LRRC57: variants seen among roughly 807,000 people sequenced by gnomAD.
The protein encoded by LRRC57 is leucine rich repeat containing 57, also known as leucine-rich repeat-containing protein 57.
LRRC57 carries 14 observed loss-of-function variants against 23.1 expected under a neutral mutation model. The ratio of observed to expected loss-of-function variants is 0.61; its 90% CI spans 0.40 to 0.95. LRRC57 has a LOEUF of 0.95. Ranked by LOEUF, LRRC57 falls within the 40% of genes least tolerant of loss-of-function variation. The probability of loss-of-function intolerance (pLI) is 0.00; values close to 1 mark genes in which losing one functional copy is unlikely to be tolerated. For missense variants in LRRC57, 236 were observed against 284.4 expected, an observed-to-expected ratio of 0.83 and a Z score of 1.22; for synonymous variants, 106 against 115.2, an observed-to-expected ratio of 0.92 and a Z score of 0.51.
chr15:42,529,558 C>A, the LRRC57 span: 2 of 1,011,382 alleles, frequency 2.0e-6, no homozygotes, highest in Non-Finnish European at 2.9e-6. Flanking sequence ...AACCTATATT[C>A]TTTTGGATCT....
intron 3 of LRRC57, 54 bp downstream of exon 3, chr15:42,548,052 C>A: frequency 6.3e-7 from 1 of 1,591,236 alleles, no homozygotes; most frequent in South Asian, 1.1e-5. Context: ...TAAGAGAAAA[C>A]CACCCCTGGT....
intron 4 of LRRC57, 24 bp downstream of exon 4, chr15:42,547,236 GA>G (rs142112921): frequency 1.2e-6 from 2 of 1,605,704 alleles, no homozygotes; most frequent in African/African-American, 1.3e-5. Flanking sequence ...TATGCTGTAG[GA>G]AAAAAAACCT....
In LRRC57 at chr15:42,538,577, T is replaced by G. The variant is rs2057612189; in HGVS notation, c.*5506A>C. 1 of 152,178 alleles carries G rather than the reference T, an allele frequency of 6.6e-6. No individual in the cohort carries two copies. Among genetic ancestry groups the G allele is most frequent in the South Asian group, 2.1e-4 (1 of 4,828 alleles). The allele number at this position is 152,178 out of a possible 1,614,324, so 9.4% of individuals were successfully genotyped here. ...TGGCTCCATTTTTTTATCCTTTTAATGTAGTGTCCACTCCAAGCCTTCTAT... is the reference window on the plus strand; with the variant it reads ...TGGCTCCATTTTTTTATCCTTTTAAGGTAGTGTCCACTCCAAGCCTTCTAT... On this transcript the variant is annotated 3_prime_UTR_variant, in exon 6 of 6. Coordinates refer to ENST00000397130, the MANE Select transcript of LRRC57 (RefSeq NM_153260.3).
intron 1 of LRRC57, 92 bp from the exon 2 acceptor site, chr15:42,548,548 C>G (rs2057678763): frequency 3.9e-6 from 4 of 1,013,796 alleles, no homozygotes; most frequent in Non-Finnish European, 5.8e-6. Flanking sequence ...CCCGCCGATC[C>G]CTGGCTCCTG....
intron 1 of LRRC57, 92 bp from the exon 2 acceptor site, chr15:42,548,548 C>A: frequency 9.9e-7 from 1 of 1,013,914 alleles, no homozygotes; most frequent in Non-Finnish European, 1.4e-6. Context: ...CCCGCCGATC[C>A]CTGGCTCCTG....
intron 5 of LRRC57, 27 bp downstream of exon 5, chr15:42,545,050 G>T (rs760712110): frequency 5.3e-6 from 8 of 1,511,146 alleles, no homozygotes; most frequent in South Asian, 2.5e-5. Context: ...GTAGTGACTA[G>T]AAATGCAGAA....
Position 42,543,907 on chromosome 15 carries a change from G to A in LRRC57, c.*176C>T. 1 of 505,904 alleles carries A rather than the reference G, an allele frequency of 2.0e-6. No individual in the cohort carries two copies. Among genetic ancestry groups the A allele is most frequent in the Non-Finnish European group, 3.5e-6 (1 of 282,798 alleles). 31.3% of individuals were successfully genotyped at this position (505,904 alleles called of 1,614,324 possible). On this transcript the variant is annotated 3_prime_UTR_variant, in exon 6 of 6. Transcript: ENST00000397130. ...CTGTCTCCTGATCCTTTTTCTTTTA[G>A]CTTATTTGAGAAGAGCCCTGAAATG... is the stretch of plus-strand genomic sequence containing the variant.
At position 42,547,486 on chromosome 15, in the gene LRRC57, C is replaced by A; in HGVS notation, c.267G>T (p.Thr89=). ...DEICNLKKLE[T]LSLNNNHLRE... ...TAAGGTGATTGTTGTTTAGGCTTAG[C>A]GTCTCTAGTTTTTTCAGATTGCATA... The change falls in exon 4 of 6, where the codon ACG becomes ACT. Residue 89 remains threonine (T), a synonymous_variant. Transcript: ENST00000397130. The A allele has an allele frequency of 6.2e-7, 1 of 1,613,756 alleles. No homozygotes were observed. The highest frequency in any genetic ancestry group is 1.3e-5 in the African/African-American group (1 of 75,004).
Position 42,548,360 on chromosome 15 carries a change from C to A in LRRC57, c.75G>T (p.Gly25=). 1 of 1,614,230 alleles carries A rather than the reference C, an allele frequency of 6.2e-7. No homozygotes were observed. Among genetic ancestry groups the A allele is most frequent in the South Asian group, 1.1e-5 (1 of 91,092 alleles). ...TCCCTCCCAGTCTCACCTCGGTCAG[C>A]CCTCGGTCCTTAAGCTGAAAGACAC... is the stretch of plus-strand genomic sequence containing the variant. ...KTGVFQLKDR[G]LTEFPADLQK... is the part of the protein sequence containing the mutation. Residue 25 remains glycine (G), a synonymous_variant, in exon 2 of 6, where the codon GGG becomes GGT. Transcript: ENST00000397130.
chr15:42,541,014 AGAAT>A lies in LRRC57; in HGVS notation c.*3065_*3068del, dbSNP rs2057626034. 1 of 152,092 alleles carries A rather than the reference AGAAT, an allele frequency of 6.6e-6. No individual in the cohort carries two copies. The highest frequency in any genetic ancestry group is 2.1e-4 in the South Asian group (1 of 4,818). The allele number at this position is 152,092 out of a possible 1,614,324, so 9.4% of individuals were successfully genotyped here. A position where few individuals can be genotyped will look rare whatever the true frequency, so the allele number is the denominator to read the frequency against. On this transcript the variant is annotated 3_prime_UTR_variant, in exon 6 of 6. Transcript: ENST00000397130. ...ACCACTGCACTCCAGCCTGGGTGAA[AGAAT>A]GAGACTCCGTCTCAGAAAAAAAAAA...
Position 42,548,378 on chromosome 15 carries a change from A to G in LRRC57, c.57T>C (p.Phe19=), listed in dbSNP as rs753431082. 1.2e-6 allele frequency: 2 copies of G among 1,614,202 alleles called. No homozygotes were observed. The highest frequency in any genetic ancestry group is 1.3e-5 in the African/African-American group (1 of 75,072). Residue 19 remains phenylalanine (F), a synonymous_variant, in exon 2 of 6, where the codon TTT becomes TTC. Coordinates refer to ENST00000397130, the MANE Select transcript of LRRC57 (RefSeq NM_153260.3). ...CGGTCAGCCCTCGGTCCTTAAGCTG[A>G]AAGACACCAGTTTTCTGCGCCGTTT... ...HVETAQKTGV[F]QLKDRGLTEF...
the LRRC57 span, chr15:42,531,920 A>G: frequency 6.5e-6 from 1 of 153,114 alleles, no homozygotes; most frequent in Non-Finnish European, 1.5e-5. Context: ...CCACAAAGCA[A>G]AAAGTTGCAT....
chr15:42,531,028 G>T, the LRRC57 span, among the ~76,000 whole-genome samples: 1 of 152,162 alleles, frequency 6.6e-6, no homozygotes, highest in African/African-American at 2.4e-5. Context: ...ATCCAGATGA[G>T]ATTCTATGAT....
In LRRC57 at chr15:42,548,443, C is replaced by A; in HGVS notation, c.-9G>T. On this transcript the variant is annotated 5_prime_UTR_variant, in exon 2 of 6. Transcript: ENST00000397130. ...AGCGCACTGTTTCCCATCCTAGCGCCGCGGCTCAGGTCCCTGCGGGAAGGA... is the reference window on the plus strand; with the variant it reads ...AGCGCACTGTTTCCCATCCTAGCGCAGCGGCTCAGGTCCCTGCGGGAAGGA... The A allele has an allele frequency of 6.2e-7, 1 of 1,613,256 alleles. No individual in the cohort carries two copies. Among genetic ancestry groups the A allele is most frequent in the African/African-American group, 1.3e-5 (1 of 75,076 alleles).
chr15:42,546,430 C>T (rs879634556), intron 4 of LRRC57, among the ~76,000 whole-genome samples: 2 of 151,870 alleles, frequency 1.3e-5, no homozygotes, highest in African/African-American at 4.8e-5. Flanking sequence ...CTATAACATA[C>T]AAGAATATCC....
intron 4 of LRRC57, among the ~76,000 whole-genome samples, chr15:42,545,966 A>C (rs1369756917): frequency 1.3e-5 from 2 of 152,082 alleles, no homozygotes; most frequent in Non-Finnish European, 2.9e-5. Context: ...CACGTTTCCA[A>C]CTTTCAGTAA....
In LRRC57 at chr15:42,540,799, G is replaced by A. The variant is rs1020851092; in HGVS notation, c.*3284C>T. 2.0e-5 allele frequency: 3 copies of A among 152,200 alleles called. No individual in the cohort carries two copies. The highest frequency in any genetic ancestry group is 4.4e-5 in the Non-Finnish European group (3 of 68,084). The allele number at this position is 152,200 out of a possible 1,614,324, so 9.4% of individuals were successfully genotyped here. ...TCCCAGCCCTTTGGGAGACCAAGGC[G>A]GGTGGATCACCTGAGGTCAGGAGTT... is the stretch of plus-strand genomic sequence containing the variant. On this transcript the variant is annotated 3_prime_UTR_variant, in exon 6 of 6. Transcript: ENST00000397130.
At chr15:42,531,623 CCTT>C in the LRRC57 span, 110 of 537,052 alleles carry the variant, frequency 2.0e-4, 1 homozygote, top group South Asian at 1.4e-3. Flanking sequence ...TTACAGCCCT[CCTT>C]CTTTTTTGTT....
chr15:42,545,100 G>T lies in LRRC57; in HGVS notation c.655C>A (p.Arg219=). The part of the protein sequence containing the change: ...EGNLFEIKKL[R]ELEGYDKYME... Reference sequence around the variant, plus strand: ...ACCTTATCATAGCCTTCCAGTTCTCGAAGTTTCTTTATTTCAAAAAGATTG... The same window carrying T: ...ACCTTATCATAGCCTTCCAGTTCTCTAAGTTTCTTTATTTCAAAAAGATTG... The change falls in exon 5 of 6, where the codon CGA becomes AGA. Residue 219 remains arginine, a synonymous_variant. Coordinates refer to ENST00000397130, the MANE Select transcript of LRRC57 (RefSeq NM_153260.3). 6.2e-7 allele frequency: 1 copy of T among 1,600,292 alleles called. No individual in the cohort carries two copies. Among genetic ancestry groups the T allele is most frequent in the Non-Finnish European group, 8.5e-7 (1 of 1,174,822 alleles).
Sources: allele counts gnomAD v4.1 joint callset (sites outside exome capture counted in the v4.1 genomes callset), GRCh38; gene constraint gnomAD v4.1.1; transcripts MANE v1.5; gene names NCBI Gene and HGNC (gene_info 2026-07-23, HGNC 2026-07-21).